Variants in PLPP4 observed in about 807,000 individuals in gnomAD.
The protein encoded by PLPP4 is diacylglycerol pyrophosphate like 2.
PLPP4 carries 20 observed loss-of-function variants against 32.2 expected under a neutral mutation model. That is an observed-to-expected ratio of 0.62 (90% confidence interval 0.44 to 0.90). PLPP4 has a LOEUF of 0.90. Among genes scored for constraint, PLPP4 ranks in the 40% least tolerant of loss-of-function variants. The probability of loss-of-function intolerance (pLI) is 0.00; values close to 1 mark genes in which losing one functional copy is unlikely to be tolerated. For missense variants in PLPP4, 257 were observed against 353.1 expected, an observed-to-expected ratio of 0.73 and a Z score of 2.18; for synonymous variants, 127 against 133.0, an observed-to-expected ratio of 0.95 and a Z score of 0.31.
At chr10:120,507,902 A>G (rs1845570316) in intron 2 of PLPP4, among the ~76,000 whole-genome samples, 1 of 152,244 alleles carries the variant, frequency 6.6e-6, no homozygotes, top group Non-Finnish European at 1.5e-5. Flanking sequence ...AGACATGAAC[A>G]CAAGGTGAAC....
At chr10:120,568,988 T>C (rs1488136103) in intron 5 of PLPP4, among the ~76,000 whole-genome samples, 1 of 152,024 alleles carries the variant, frequency 6.6e-6, no homozygotes, top group African/African-American at 2.4e-5. Flanking sequence ...ACTGTAATCC[T>C]AGCACTTTGG....
intron 5 of PLPP4, among the ~76,000 whole-genome samples, chr10:120,524,103 C>T (rs1366994971): frequency 6.6e-6 from 1 of 152,136 alleles, no homozygotes; most frequent in Non-Finnish European, 1.5e-5. Context: ...AAAATGTTAC[C>T]CATTTTTACT....
intron 1 of PLPP4, among the ~76,000 whole-genome samples, chr10:120,480,326 G>A (rs924595941): frequency 2.0e-5 from 3 of 152,176 alleles, no homozygotes; most frequent in African/African-American, 7.2e-5. Flanking sequence ...CTGTGGATGT[G>A]CATCTGGTGC....
At chr10:120,482,051 A>G (rs1564786555) in intron 1 of PLPP4, among the ~76,000 whole-genome samples, 1 of 152,182 alleles carries the variant, frequency 6.6e-6, no homozygotes, top group East Asian at 1.9e-4. Context: ...CTGTAAGCCC[A>G]TACAACTTCT....
chr10:120,484,089 A>T (rs1844334508), intron 1 of PLPP4, among the ~76,000 whole-genome samples: 2 of 152,240 alleles, frequency 1.3e-5, no homozygotes, highest in Non-Finnish European at 1.5e-5. Context: ...TAAGTGCTAC[A>T]GGAAATTTCA....
At chr10:120,535,916 T>C (rs7087857) in intron 5 of PLPP4, among the ~76,000 whole-genome samples, 141,362 of 152,140 alleles carry the variant, frequency 0.93, 65,929 homozygotes, top group East Asian at 1. Context: ...CTTGTAACAG[T>C]CTTCCAAATT....
chr10:120,539,888 A>G (rs971211012), intron 5 of PLPP4, among the ~76,000 whole-genome samples: 1 of 152,190 alleles, frequency 6.6e-6, no homozygotes, highest in Non-Finnish European at 1.5e-5. Flanking sequence ...TGCAAAAACA[A>G]TAATTACTTT....
chr10:120,550,614 C>T (rs79486209), intron 5 of PLPP4, among the ~76,000 whole-genome samples: 2,367 of 151,078 alleles, frequency 0.016, 27 homozygotes, highest in Admixed American at 0.024. Flanking sequence ...AAGAAATTGA[C>T]CCACACCTTT....
chr10:120,574,217 C>G (rs1025102348), intron 5 of PLPP4, among the ~76,000 whole-genome samples: 71 of 135,930 alleles, frequency 5.2e-4, no homozygotes, highest in South Asian at 1.2e-3. Flanking sequence ...CTCTCTCTCT[C>G]TCTCTCAGCT....
intron 1 of PLPP4, among the ~76,000 whole-genome samples, chr10:120,493,909 G>T (rs1844835854): frequency 6.6e-6 from 1 of 152,118 alleles, no homozygotes; most frequent in South Asian, 2.1e-4. Context: ...AGGGACTATG[G>T]GAGGCAGGCT....
At chr10:120,528,122 T>C (rs1251579996) in intron 5 of PLPP4, among the ~76,000 whole-genome samples, 1 of 128,236 alleles carries the variant, frequency 7.8e-6, no homozygotes, top group South Asian at 2.8e-4. Context: ...TCGCCCAGGC[T>C]GGAGTGCAGC....
chr10:120,491,966 T>G (rs919670839), intron 1 of PLPP4, among the ~76,000 whole-genome samples: 1 of 152,214 alleles, frequency 6.6e-6, no homozygotes, highest in African/African-American at 2.4e-5. Flanking sequence ...CCACACATAT[T>G]TGGTATACAA....
chr10:120,514,411 AAC>A (rs1305368776), intron 3 of PLPP4, among the ~76,000 whole-genome samples: 1 of 152,222 alleles, frequency 6.6e-6, no homozygotes, highest in Admixed American at 6.5e-5. Context: ...TCCTCGACCA[AAC>A]ACTGTTGGCT....
chr10:120,556,788 C>G (rs1486199426), intron 5 of PLPP4, among the ~76,000 whole-genome samples: 1 of 152,068 alleles, frequency 6.6e-6, no homozygotes, highest in Non-Finnish European at 1.5e-5. Context: ...AGTAGTGAAG[C>G]TAAGATTCAA....
intron 6 of PLPP4, chr10:120,580,940 C>A: frequency 7.8e-7 from 1 of 1,289,324 alleles, no homozygotes; most frequent in Non-Finnish European, 1.0e-6. Flanking sequence ...CATTTACCAT[C>A]GGCTGCCAAC....
chr10:120,564,794 A>G (rs1415734712), intron 5 of PLPP4, among the ~76,000 whole-genome samples: 1 of 151,860 alleles, frequency 6.6e-6, no homozygotes, highest in Non-Finnish European at 1.5e-5. Flanking sequence ...ATTCATTAAT[A>G]TTTGTCTCAT....
chr10:120,517,430 A>G (rs1845976433), intron 3 of PLPP4, among the ~76,000 whole-genome samples: 1 of 152,216 alleles, frequency 6.6e-6, no homozygotes, highest in East Asian at 1.9e-4. Flanking sequence ...GGAAGCTGGC[A>G]TTTGAGGAAG....
intron 1 of PLPP4, among the ~76,000 whole-genome samples, chr10:120,479,909 T>A (rs184943588): frequency 2.0e-5 from 3 of 152,328 alleles, no homozygotes; most frequent in African/African-American, 7.2e-5. Flanking sequence ...TTTCTTATAG[T>A]TTAAAATGTT....
At chr10:120,513,476 A>G (rs1356059381) in intron 2 of PLPP4, among the ~76,000 whole-genome samples, 2 of 152,170 alleles carry the variant, frequency 1.3e-5, no homozygotes, top group Non-Finnish European at 2.9e-5. Flanking sequence ...TATTCAACAA[A>G]AGAACACCAA....
Sources: allele counts gnomAD v4.1 joint callset (sites outside exome capture counted in the v4.1 genomes callset), GRCh38; gene constraint gnomAD v4.1.1; transcripts MANE v1.5; gene names NCBI Gene and HGNC (gene_info 2026-07-23, HGNC 2026-07-21).